CAVIN1: variants seen among roughly 807,000 people sequenced by gnomAD.
The protein encoded by CAVIN1 is caveolae-associated protein 1.
Under a neutral mutation model 24.0 loss-of-function variants are expected in CAVIN1, and 16 were observed. The observed-to-expected ratio is 0.67, with a 90% CI of 0.45 to 1.01. The LOEUF (loss-of-function observed/expected upper bound fraction) is 1.01, where lower values mean the gene tolerates loss of function less well. Ranked by LOEUF, CAVIN1 falls within the 50% of genes least tolerant of loss-of-function variation. CAVIN1 has a pLI of 0.00. For synonymous variants in CAVIN1, 256 were observed against 256.4 expected, an observed-to-expected ratio of 1.00 and a Z score of 0.02; for missense variants, 510 against 551.7, an observed-to-expected ratio of 0.92 and a Z score of 0.76.
chr17:42,407,740 C>T (rs1204152007), intron 1 of CAVIN1, among the ~76,000 whole-genome samples: 8 of 152,202 alleles, frequency 5.3e-5, no homozygotes, highest in East Asian at 3.9e-4. Flanking sequence ...CTGCCATAGA[C>T]GGCTTAGTGC....
chr17:42,418,232 T>TG (rs2085523979), intron 1 of CAVIN1, among the ~76,000 whole-genome samples: 1 of 149,340 alleles, frequency 6.7e-6, no homozygotes, highest in African/African-American at 2.5e-5. Flanking sequence ...GTATTTCCTT[T>TG]TTTTTTTTTT....
chr17:42,404,747 C>T lies in CAVIN1; in HGVS notation c.1113G>A (p.Ala371=). The change falls in exon 2 of 2, where the codon GCG becomes GCA. Residue 371 remains alanine (A), a synonymous_variant. Transcript: ENST00000357037. ...CCGACTCCTCGGTGATCTCCAGCAGCGCGTGCACGTCGGGGCTGCTCCCGC... is the reference window on the plus strand; with the variant it reads ...CCGACTCCTCGGTGATCTCCAGCAGTGCGTGCACGTCGGGGCTGCTCCCGC... ...LRRGSSPDVH[A]LLEITEESDA... 3 of 1,522,038 alleles carry T rather than the reference C, an allele frequency of 2.0e-6. No individual in the cohort carries two copies. The highest frequency in any genetic ancestry group is 2.6e-6 in the Non-Finnish European group (3 of 1,141,260). The allele number at this position is 1,522,038 out of a possible 1,614,324, so 94.3% of individuals were successfully genotyped here. A position where few individuals can be genotyped will look rare whatever the true frequency, so the allele number is the denominator to read the frequency against.
At position 42,408,781 on chromosome 17, in the gene CAVIN1, G is replaced by A. The variant is rs377695406; in HGVS notation, c.472-3393C>T. Among the ~76,000 whole-genome samples, 34 of 143,840 alleles carry A rather than the reference G, an allele frequency of 2.4e-4. No homozygotes were observed. In the East Asian group the frequency reaches 4.2e-3, roughly 18 times the overall value. 94.4% of individuals were successfully genotyped at this position (143,840 alleles called of 152,430 possible). On this transcript the variant is annotated intron_variant, in intron 1 of 1. Coordinates refer to ENST00000357037, the MANE Select transcript of CAVIN1 (RefSeq NM_012232.6). ...GCTGGGATTACAAGCCTAAGCCACC[G>A]TGCCCGGCCTTTTTTTTTTTTTTTT...
At chr17:42,415,579 T>C (rs1479880083) in intron 1 of CAVIN1, among the ~76,000 whole-genome samples, 3 of 151,888 alleles carry the variant, frequency 2.0e-5, no homozygotes, top group Non-Finnish European at 4.4e-5. Context: ...GATGTGGTGG[T>C]GCATGTCTGT....
At chr17:42,413,566 G>GAAAAAAAAAAAAAAAAAA (rs60085741) in intron 1 of CAVIN1, among the ~76,000 whole-genome samples, 5 of 56,976 alleles carry the variant, frequency 8.8e-5, no homozygotes, top group Non-Finnish European at 1.5e-4. Flanking sequence ...CTCAAAAAGG[G>GAAAAAAAAAAAAAAAAAA]AAAAAAAAAA....
intron 1 of CAVIN1, among the ~76,000 whole-genome samples, chr17:42,416,928 C>A (rs763337956): frequency 6.6e-6 from 1 of 152,168 alleles, no homozygotes; most frequent in African/African-American, 2.4e-5. Context: ...ATCAGGCTCT[C>A]GTTCCAGCCC....
rs558868815 is a variant in CAVIN1 at position 42,408,814 on chromosome 17, A to AT, written c.472-3427dup. On this transcript the variant is annotated intron_variant, in intron 1 of 1. Coordinates refer to ENST00000357037, the MANE Select transcript of CAVIN1 (RefSeq NM_012232.6). Reference sequence around the variant, plus strand: ...CCTTTTTTTTTTTTTTTTTTGAGACATGGTCTCACTCTGTCACCTAGGTTG... The same window carrying AT: ...CCTTTTTTTTTTTTTTTTTTGAGACATTGGTCTCACTCTGTCACCTAGGTTG... Among the ~76,000 whole-genome samples the AT allele has an allele frequency of 7.3e-3, 814 of 111,428 alleles. 14 individuals are homozygous for AT. The highest frequency in any genetic ancestry group is 0.027 in the African/African-American group (765 of 27,868). 73.1% of individuals were successfully genotyped at this position (111,428 alleles called of 152,430 possible).
intron 1 of CAVIN1, among the ~76,000 whole-genome samples, chr17:42,414,617 C>T (rs1296043516): frequency 6.6e-6 from 1 of 152,110 alleles, no homozygotes. Flanking sequence ...ACTCTCTCTC[C>T]TGAGGGGCTG....
In CAVIN1 at chr17:42,404,811, T is replaced by A; in HGVS notation, c.1049A>T (p.Glu350Val). 1 of 1,611,082 alleles carries A rather than the reference T, an allele frequency of 6.2e-7. No individual in the cohort carries two copies. Among genetic ancestry groups the A allele is most frequent in the East Asian group, 2.2e-5 (1 of 44,772 alleles). The change falls in exon 2 of 2, where the codon GAG becomes GTG. Residue 350 changes from glutamate to valine, a missense_variant. Coordinates refer to ENST00000357037, the MANE Select transcript of CAVIN1 (RefSeq NM_012232.6). ...EMVEVGADDD[E>V]GGAERGEAGD... The stretch of plus-strand genomic sequence containing the variant: ...GGCCTCCCCGCGCTCCGCGCCGCCC[T>A]CGTCGTCGTCGGCGCCCACCTCCAC...
intron 1 of CAVIN1, among the ~76,000 whole-genome samples, chr17:42,414,735 G>A (rs1009991925): frequency 6.6e-6 from 1 of 152,092 alleles, no homozygotes. Flanking sequence ...GATAAAGCCT[G>A]TAGTCTCAAA....
Position 42,402,831 on chromosome 17 carries a change from G to A in CAVIN1, c.*1856C>T, listed in dbSNP as rs9252. 0.069 allele frequency: 10,531 copies of A among 152,418 alleles called. 506 individuals carry two copies. Among genetic ancestry groups the A allele is most frequent in the South Asian group, 0.16 (795 of 4,832 alleles). 9.4% of individuals were successfully genotyped at this position (152,418 alleles called of 1,614,324 possible). The stretch of plus-strand genomic sequence containing the variant: ...AGCTCTCGGGGCCTCCCTTCAGGCT[G>A]TGACTGGGGAGAGGGGCTGTTCTTG... On this transcript the variant is annotated 3_prime_UTR_variant, in exon 2 of 2. Transcript: ENST00000357037.
At chr17:42,406,364 T>TATTTC (rs1353787702) in intron 1 of CAVIN1, among the ~76,000 whole-genome samples, 1 of 147,088 alleles carries the variant, frequency 6.8e-6, no homozygotes, top group Non-Finnish European at 1.5e-5. Context: ...TTTCCTAGAC[T>TATTTC]CAAGCTATTT....
rs67299164 is a variant in CAVIN1 at position 42,408,790 on chromosome 17, C to CTT, written c.472-3404_472-3403dup. 1.0e-3 allele frequency among the ~76,000 whole-genome samples: 123 copies of CTT among 120,808 alleles called. 4 individuals carry two copies. The highest frequency in any genetic ancestry group is 3.5e-3 in the South Asian group (12 of 3,452). The allele number at this position is 120,808 out of a possible 152,430, so 79.3% of individuals were successfully genotyped here. ...ACAAGCCTAAGCCACCGTGCCCGGC[C>CTT]TTTTTTTTTTTTTTTTTTGAGACAT... is the stretch of plus-strand genomic sequence containing the variant. On this transcript the variant is annotated intron_variant, in intron 1 of 1. Coordinates refer to ENST00000357037, the MANE Select transcript of CAVIN1 (RefSeq NM_012232.6).
intron 1 of CAVIN1, among the ~76,000 whole-genome samples, chr17:42,413,068 ATTACAGGT>A (rs2085489663): frequency 6.6e-6 from 1 of 151,446 alleles, no homozygotes; most frequent in Non-Finnish European, 1.5e-5. Flanking sequence ...AGTAGCTGGG[ATTACAGGT>A]GGGTGCCACC....
chr17:42,404,601 AATCTC>A lies in CAVIN1; in HGVS notation c.*81_*85del. On this transcript the variant is annotated 3_prime_UTR_variant, in exon 2 of 2. Coordinates refer to ENST00000357037, the MANE Select transcript of CAVIN1 (RefSeq NM_012232.6). ...GGGGGGCGTGTTTTCAATTTAGAAA[AATCTC>A]AGCCAGCTCGAGCCGAGAGAGAATG... The A allele has an allele frequency of 1.0e-6, 1 of 958,694 alleles. No homozygotes were observed. Among genetic ancestry groups the A allele is most frequent in the Non-Finnish European group, 1.4e-6 (1 of 697,594 alleles). The allele number at this position is 958,694 out of a possible 1,614,324, so 59.4% of individuals were successfully genotyped here. A position where few individuals can be genotyped will look rare whatever the true frequency, so the allele number is the denominator to read the frequency against.
At chr17:42,406,246 G>C (rs1313663437) in intron 1 of CAVIN1, among the ~76,000 whole-genome samples, 2 of 152,184 alleles carry the variant, frequency 1.3e-5, no homozygotes, top group African/African-American at 4.8e-5. Flanking sequence ...CACACTGCCC[G>C]AGCCAGGCCG....
intron 1 of CAVIN1, among the ~76,000 whole-genome samples, chr17:42,413,562 AAGGG>A (rs1315427820): frequency 2.1e-4 from 14 of 66,326 alleles, no homozygotes; most frequent in Non-Finnish European, 4.0e-4. Context: ...CTGTCTCAAA[AAGGG>A]AAAAAAAAAA....
intron 1 of CAVIN1, among the ~76,000 whole-genome samples, chr17:42,406,375 C>CATTT (rs59023533): frequency 7.1e-6 from 1 of 140,952 alleles, no homozygotes. Flanking sequence ...CAAGCTATTT[C>CATTT]TTTTTTTTTT....
At chr17:42,408,790 C>CT (rs67299164) in intron 1 of CAVIN1, among the ~76,000 whole-genome samples, 19,946 of 120,772 alleles carry the variant, frequency 0.17, 2,159 homozygotes, top group East Asian at 0.34. Context: ...CGTGCCCGGC[C>CT]TTTTTTTTTT....
Sources: allele counts gnomAD v4.1 joint callset (sites outside exome capture counted in the v4.1 genomes callset), GRCh38; gene constraint gnomAD v4.1.1; transcripts MANE v1.5; gene names NCBI Gene and HGNC (gene_info 2026-07-23, HGNC 2026-07-21).